The following MTAP variants were observed in gnomAD, a reference collection of about 807,000 sequenced individuals.
MTAP encodes methylthioadenosine phosphorylase, also known as S-methyl-5'-thioadenosine phosphorylase.
Under a neutral mutation model 33.6 loss-of-function variants are expected in MTAP, and 33 were observed. The observed-to-expected ratio is 0.98, with a 90% CI of 0.74 to 1.31. The LOEUF (loss-of-function observed/expected upper bound fraction) is 1.31. Among genes scored for constraint, MTAP ranks in the 40% most tolerant of loss-of-function variants. The pLI is 0.00. For missense variants in MTAP, 367 were observed against 360.0 expected (o/e 1.02, Z -0.16); for synonymous variants, 148 against 125.7 (o/e 1.18, Z -1.19).
intron 4 of MTAP, among the ~76,000 whole-genome samples, chr9:21,836,587 C>T (rs1468249157): frequency 2.6e-5 from 4 of 152,144 alleles, no homozygotes; most frequent in Non-Finnish European, 5.9e-5. Context: ...AAGTTGAGTA[C>T]GTGTCACCGT....
At chr9:21,842,554 C>T (rs12237020) in intron 5 of MTAP, among the ~76,000 whole-genome samples, 1 of 152,320 alleles carries the variant, frequency 6.6e-6, no homozygotes, top group South Asian at 2.1e-4. Context: ...TAGCAGACTT[C>T]TCAGCAGAAA....
chr9:21,816,640 G>C, intron 2 of MTAP, 74 bp from the exon 3 acceptor site: 1 of 1,318,792 alleles, frequency 7.6e-7, no homozygotes, highest in Non-Finnish European at 1.1e-6. Flanking sequence ...GAGTCCTGTT[G>C]TGGTTGAACA....
chr9:21,834,648 C>T (rs1049551853), intron 4 of MTAP, among the ~76,000 whole-genome samples: 3 of 152,228 alleles, frequency 2.0e-5, no homozygotes, highest in African/African-American at 7.2e-5. Flanking sequence ...GACATTGACT[C>T]TTCTGCCTCC....
intron 1 of MTAP, among the ~76,000 whole-genome samples, chr9:21,894,683 C>T (rs1418232769): frequency 1.3e-5 from 2 of 151,748 alleles, no homozygotes; most frequent in African/African-American, 4.8e-5. Flanking sequence ...CAATATGGCA[C>T]ATGTATACAT....
intron 4 of MTAP, among the ~76,000 whole-genome samples, chr9:21,820,875 C>G (rs184736031): frequency 1.3e-3 from 202 of 152,220 alleles, no homozygotes; most frequent in South Asian, 8.3e-3. Flanking sequence ...GTATTTTATT[C>G]TCTTTGAAGC....
chr9:21,846,824 A>G (rs1046178800), intron 5 of MTAP, among the ~76,000 whole-genome samples: 1 of 152,224 alleles, frequency 6.6e-6, no homozygotes, highest in Non-Finnish European at 1.5e-5. Flanking sequence ...AAACTATGGA[A>G]CCAACCTAAA....
Position 21,922,562 on chromosome 9 carries a change from C to T in MTAP, c.148-8446C>T, listed in dbSNP as rs999034525. 1.3e-5 allele frequency among the ~76,000 whole-genome samples: 2 copies of T among 152,176 alleles called. No homozygotes were observed. The highest frequency in any genetic ancestry group is 2.4e-5 in the African/African-American group (1 of 41,446). On this transcript the variant is annotated intron_variant, in intron 1 of 1. Transcript: ENST00000577563. The surrounding 1 kb of genome is among the most constrained non-coding windows in gnomAD (Gnocchi z 4.8). Reference sequence around the variant, plus strand: ...TGAAGAGGCAAGAAACAAGTTCTTGCAGACCCATACAGATTCACTGCTGCT... The same window carrying T: ...TGAAGAGGCAAGAAACAAGTTCTTGTAGACCCATACAGATTCACTGCTGCT...
At chr9:21,841,972 A>C (rs746222608) in intron 5 of MTAP, among the ~76,000 whole-genome samples, 13 of 152,234 alleles carry the variant, frequency 8.5e-5, no homozygotes, top group Admixed American at 2.0e-4. Flanking sequence ...ATTGGTTATT[A>C]AGCTACTCAA....
chr9:21,873,568 A>G (rs902116792), intron 1 of MTAP, among the ~76,000 whole-genome samples: 1 of 151,544 alleles, frequency 6.6e-6, no homozygotes, highest in African/African-American at 2.4e-5. Flanking sequence ...CCCTCATCAG[A>G]CACTGAATCT....
intron 1 of MTAP, chr9:21,930,880 C>A (rs926485761): frequency 2.4e-5 from 15 of 632,186 alleles, no homozygotes; most frequent in Middle Eastern, 2.6e-4. Context: ...TGGTAAGGAA[C>A]CTGGAAATGG....
At chr9:21,813,866 G>C (rs976879812) in intron 1 of MTAP, 4 of 152,210 alleles carry the variant, frequency 2.6e-5, no homozygotes, top group African/African-American at 4.8e-5. Context: ...GGCTAAGGAA[G>C]GATTGGGATT....
intron 1 of MTAP, among the ~76,000 whole-genome samples, chr9:21,895,778 G>A (rs1256008348): frequency 6.6e-6 from 1 of 152,200 alleles, no homozygotes; most frequent in Non-Finnish European, 1.5e-5. Context: ...GTCTGCCATT[G>A]CTGAGGCTTG....
At chr9:21,823,343 A>T (rs1357122261) in intron 4 of MTAP, among the ~76,000 whole-genome samples, 1 of 152,128 alleles carries the variant, frequency 6.6e-6, no homozygotes, top group East Asian at 1.9e-4. Flanking sequence ...GCTTGTCTGT[A>T]AAGGATTTTA....
Position 21,867,029 on chromosome 9 carries a change from T to G in MTAP, c.*5015T>G, listed in dbSNP as rs1825863227. ...CTGGTATACAGAAATATGTTTTATT[T>G]TTGTATATTGACTTTATATTCTGTA... On this transcript the variant is annotated 3_prime_UTR_variant, in exon 8 of 8. Coordinates refer to ENST00000644715, the MANE Select transcript of MTAP (RefSeq NM_002451.4). 1 of 152,196 alleles carries G rather than the reference T, an allele frequency of 6.6e-6. No individual in the cohort carries two copies. The highest frequency in any genetic ancestry group is 2.4e-5 in the African/African-American group (1 of 41,464). 9.4% of individuals were successfully genotyped at this position (152,196 alleles called of 1,614,324 possible).
rs1003888910 is a variant in MTAP at position 21,910,740 on chromosome 9, T to C, written c.148-20268T>C. On this transcript the variant is annotated intron_variant, in intron 1 of 1. Coordinates refer to the MTAP transcript ENST00000577563. ...GTTTATAAAGTATACAATTCAGTAG[T>C]TTATATATATTCACACAGGTGTGCT... Among the ~76,000 whole-genome samples, 10 of 152,222 alleles carry C rather than the reference T, an allele frequency of 6.6e-5. No homozygotes were observed. The East Asian group carries it at 1.9e-3, about 29-fold the overall frequency.
intron 1 of MTAP, among the ~76,000 whole-genome samples, chr9:21,898,919 A>C (rs982530724): frequency 1.3e-5 from 2 of 152,150 alleles, no homozygotes; most frequent in Non-Finnish European, 2.9e-5. Context: ...TGCTGTTATA[A>C]AGACACATGC....
intron 1 of MTAP, among the ~76,000 whole-genome samples, chr9:21,886,615 A>G (rs1348925779): frequency 6.6e-6 from 1 of 152,192 alleles, no homozygotes; most frequent in East Asian, 1.9e-4. Context: ...TGACTTTTGC[A>G]TAAAGTGAGA....
chr9:21,819,702 T>C (rs1299639670), intron 4 of MTAP, among the ~76,000 whole-genome samples: 1 of 152,226 alleles, frequency 6.6e-6, no homozygotes, highest in African/African-American at 2.4e-5. Flanking sequence ...TCTAGATCCA[T>C]GAGAAATCGC....
At chr9:21,860,388 C>G (rs908926448) in intron 7 of MTAP, 4 of 152,166 alleles carry the variant, frequency 2.6e-5, no homozygotes, top group African/African-American at 9.7e-5. Flanking sequence ...GAACAGAATC[C>G]AGCACACCAC....
Sources: gnomAD v4.1 joint callset for allele counts (sites outside exome capture counted in the v4.1 genomes callset) on GRCh38, gnomAD v4.1.1 for gene constraint, Gnocchi (gnomAD v3.1) non-coding constraint, MANE v1.5 for transcripts, NCBI Gene and HGNC (gene_info 2026-07-23, HGNC 2026-07-21) for gene names.